GSPT1: variants seen among roughly 807,000 people sequenced by gnomAD.
GSPT1 encodes the protein G1 to S phase transition 1.
GSPT1 carries 20 observed loss-of-function variants against 72.5 expected under a neutral mutation model. The ratio of observed to expected loss-of-function variants is 0.28; its 90% confidence interval spans 0.19 to 0.40. The LOEUF is 0.40. Ranked by LOEUF, GSPT1 falls within the 10% of genes least tolerant of loss-of-function variation. GSPT1 has a pLI of 1.00. For synonymous variants in GSPT1, 334 were observed against 293.5 expected (o/e 1.14, Z -1.41); for missense variants, 580 against 811.9 (o/e 0.71, Z 3.47).
chr16:11,879,106 T>TAATA (rs1555503746), intron 11 of GSPT1, among the ~76,000 whole-genome samples: 16 of 149,164 alleles, frequency 1.1e-4, no homozygotes, highest in Admixed American at 2.7e-4. Flanking sequence ...ATAATAATAA[T>TAATA]AAAAAAAAGG....
rs755629566 is a variant in GSPT1, at chr16:11,915,829, G to T, written c.-109C>A. ...ACTGAGGGAAGGCGGCGGGGCAGAA[G>T]GGCCGGGAGCTAGCGACAAAGATCC... On this transcript the variant is annotated 5_prime_UTR_variant, in exon 1 of 15. Coordinates refer to ENST00000434724, the MANE Select transcript of GSPT1 (RefSeq NM_002094.4). 3 of 1,520,602 alleles carry T rather than the reference G, an allele frequency of 2.0e-6. No homozygotes were observed. The highest frequency in any genetic ancestry group is 1.1e-5 in the South Asian group (1 of 89,660). 94.2% of individuals were successfully genotyped at this position (1,520,602 alleles called of 1,614,324 possible).
At chr16:11,883,269 T>C (rs1018738099) in intron 10 of GSPT1, among the ~76,000 whole-genome samples, 174 bp from the exon 11 acceptor site, 1 of 152,022 alleles carries the variant, frequency 6.6e-6, no homozygotes, top group Non-Finnish European at 1.5e-5. Context: ...ATTTGTGTCA[T>C]AAGCATATGT....
In GSPT1 at chr16:11,869,016, T is replaced by G. The variant is rs1367766548; in HGVS notation, c.*4103A>C. On this transcript the variant is annotated 3_prime_UTR_variant, in exon 15 of 15. Transcript: ENST00000434724. ...TTTCAAGGAAGCATAGGATTAGAGG[T>G]ATGTGAGAAGTGTATTTATTGAAGG... 6.6e-6 allele frequency: 1 copy of G among 152,072 alleles called. No homozygotes were observed. The highest frequency in any genetic ancestry group is 1.5e-5 in the Non-Finnish European group (1 of 68,022). The allele number at this position is 152,072 out of a possible 1,614,324, so 9.4% of individuals were successfully genotyped here. A position where few individuals can be genotyped will look rare whatever the true frequency, so the allele number is the denominator to read the frequency against.
intron 7 of GSPT1, 76 bp from the exon 8 acceptor site, chr16:11,887,007 C>A: frequency 1.8e-4 from 152 of 837,700 alleles, no homozygotes; most frequent in Non-Finnish European, 2.5e-4. Context: ...TCTTTCCTTT[C>A]AGTTATATCA....
At chr16:11,875,678 A>G (rs2054039253) in intron 14 of GSPT1, 83 bp downstream of exon 14, 2 of 926,286 alleles carry the variant, frequency 2.2e-6, no homozygotes, top group South Asian at 1.8e-5. Context: ...ACCTGTTGCA[A>G]TGTGTACTGT....
chr16:11,889,948 AGTT>A (rs2054237404), intron 6 of GSPT1, among the ~76,000 whole-genome samples: 1 of 145,586 alleles, frequency 6.9e-6, no homozygotes, highest in South Asian at 2.2e-4. Context: ...GCCCAATAAA[AGTT>A]GTTTTCCTTT....
intron 14 of GSPT1, among the ~76,000 whole-genome samples, chr16:11,875,557 G>C (rs745827228): frequency 4.6e-5 from 7 of 152,018 alleles, no homozygotes; most frequent in African/African-American, 4.8e-5. Context: ...TCTTCACGTA[G>C]AGCATTACTA....
Position 11,915,838 on chromosome 16 carries a change from G to T in GSPT1, c.-118C>A. ...AGGCGGCGGGGCAGAAGGGCCGGGA[G>T]CTAGCGACAAAGATCCCCGGCGTCG... On this transcript the variant is annotated 5_prime_UTR_variant, in exon 1 of 15. Coordinates refer to ENST00000434724, the MANE Select transcript of GSPT1 (RefSeq NM_002094.4). The T allele has an allele frequency of 6.7e-7, 1 of 1,489,026 alleles. No individual in the cohort carries two copies. The highest frequency in any genetic ancestry group is 9.2e-7 in the Non-Finnish European group (1 of 1,086,368). 92.2% of individuals were successfully genotyped at this position (1,489,026 alleles called of 1,614,324 possible). A position where few individuals can be genotyped will look rare whatever the true frequency, so the allele number is the denominator to read the frequency against.
chr16:11,894,155 C>CAAAAAAAAAAAAAA (rs57226427), intron 5 of GSPT1, among the ~76,000 whole-genome samples: 4 of 42,672 alleles, frequency 9.4e-5, no homozygotes, highest in African/African-American at 3.5e-4. Context: ...GACCCTATCT[C>CAAAAAAAAAAAAAA]AAAAAAAAAA....
chr16:11,878,561 T>C (rs894001837), intron 11 of GSPT1, among the ~76,000 whole-genome samples: 6 of 149,012 alleles, frequency 4.0e-5, no homozygotes, highest in African/African-American at 7.5e-5. Flanking sequence ...ACTACCGCAC[T>C]GTAGCCTGAG....
intron 1 of GSPT1, among the ~76,000 whole-genome samples, chr16:11,909,838 T>C (rs1327431634): frequency 6.6e-6 from 1 of 152,028 alleles, no homozygotes; most frequent in Admixed American, 6.6e-5. Flanking sequence ...GGCAGAACAA[T>C]CGCTTGAACC....
rs577954139 is a variant in GSPT1 at position 11,896,790 on chromosome 16, A to G, written c.437-5T>C. 40 of 1,520,388 alleles carry G rather than the reference A, an allele frequency of 2.6e-5. No individual in the cohort carries two copies. The African/African-American group carries it at 3.6e-4, about 14-fold the overall frequency. 94.2% of individuals were successfully genotyped at this position (1,520,388 alleles called of 1,614,324 possible). On this transcript the variant is annotated splice_polypyrimidine_tract_variant and splice_region_variant and intron_variant, in intron 3 of 14. Transcript: ENST00000434724. ...TTTCTGTCTCTCCATTTTCTACTGA[A>G]GAAAGACATTTTAACTTAGTATTCT...
chr16:11,885,175 G>C lies in GSPT1; in HGVS notation c.1347+6C>G. ...GGAAACCCAATTTCTTTAACATTTT[G>C]GGTACCTTGTACTTATCCACAATTG... On this transcript the variant is annotated splice_donor_region_variant and intron_variant, in intron 10 of 14. Coordinates refer to ENST00000434724, the MANE Select transcript of GSPT1 (RefSeq NM_002094.4). 2 of 1,400,176 alleles carry C rather than the reference G, an allele frequency of 1.4e-6. No individual in the cohort carries two copies. Among genetic ancestry groups the C allele is most frequent in the Admixed American group, 1.7e-5 (1 of 59,460 alleles). 86.7% of individuals were successfully genotyped at this position (1,400,176 alleles called of 1,614,324 possible). A position where few individuals can be genotyped will look rare whatever the true frequency, so the allele number is the denominator to read the frequency against.
intron 5 of GSPT1, among the ~76,000 whole-genome samples, chr16:11,891,662 A>G (rs1356172084): frequency 7.0e-6 from 1 of 143,684 alleles, no homozygotes; most frequent in Non-Finnish European, 1.5e-5. Context: ...ACGCCTGGCC[A>G]TATTTTTTTT....
Position 11,886,797 on chromosome 16 carries a change from T to G in GSPT1, c.1092A>C (p.Thr364=). The G allele has an allele frequency of 6.2e-7, 1 of 1,613,598 alleles. No individual in the cohort carries two copies. The highest frequency in any genetic ancestry group is 1.7e-4 in the Middle Eastern group (1 of 6,060). Residue 364 remains threonine (T), a synonymous_variant, in exon 8 of 15, where the codon ACA becomes ACC. Transcript: ENST00000434724. ...CTCACCTCTCATTGCTCCAATTTAC[T>G]GTTGGATCATCCATCTTATTAATTA... The part of the protein sequence containing the change: ...IVLINKMDDP[T]VNWSNERYEE...
Position 11,871,696 on chromosome 16 carries a change from T to C in GSPT1, c.*1423A>G, listed in dbSNP as rs2141267663. On this transcript the variant is annotated 3_prime_UTR_variant, in exon 15 of 15. Coordinates refer to ENST00000434724, the MANE Select transcript of GSPT1 (RefSeq NM_002094.4). ...CTTGTCATTAAATATACAAAGTATC[T>C]TATTTAGAGAGAAATCACAATCTAA... The C allele has an allele frequency of 6.6e-6, 1 of 152,326 alleles. No individual in the cohort carries two copies. The highest frequency in any genetic ancestry group is 3.4e-3 in the Middle Eastern group (1 of 294). 9.4% of individuals were successfully genotyped at this position (152,326 alleles called of 1,614,324 possible). A position where few individuals can be genotyped will look rare whatever the true frequency, so the allele number is the denominator to read the frequency against.
In GSPT1 at chr16:11,873,090, A is replaced by G. The variant is rs758811381; in HGVS notation, c.*29T>C. The G allele has an allele frequency of 3.5e-6, 5 of 1,413,348 alleles. No homozygotes were observed. The highest frequency in any genetic ancestry group is 1.2e-5 in the South Asian group (1 of 84,124). 87.6% of individuals were successfully genotyped at this position (1,413,348 alleles called of 1,614,324 possible). On this transcript the variant is annotated 3_prime_UTR_variant, in exon 15 of 15. Transcript: ENST00000434724. Reference sequence around the variant, plus strand: ...GGCTTCTGCAGTCAATTTTCCTCACAGTATTGTGCAGGGTCATCAAGAAAA... The same window carrying G: ...GGCTTCTGCAGTCAATTTTCCTCACGGTATTGTGCAGGGTCATCAAGAAAA...
At chr16:11,907,149 G>A (rs1238122838) in intron 1 of GSPT1, among the ~76,000 whole-genome samples, 1 of 152,168 alleles carries the variant, frequency 6.6e-6, no homozygotes, top group East Asian at 1.9e-4. Flanking sequence ...TCAGAGCACT[G>A]CCTACTTATG....
intron 1 of GSPT1, among the ~76,000 whole-genome samples, chr16:11,907,825 C>T (rs1456107339): frequency 2.0e-5 from 3 of 152,318 alleles, no homozygotes; most frequent in East Asian, 3.9e-4. Flanking sequence ...CCTCTTTATT[C>T]GGACACAAAA....
Sources: allele counts gnomAD v4.1 joint callset (sites outside exome capture counted in the v4.1 genomes callset), GRCh38; gene constraint gnomAD v4.1.1; transcripts MANE v1.5; gene names NCBI Gene and HGNC (gene_info 2026-07-23, HGNC 2026-07-21).